TNS1: variants seen among roughly 807,000 people sequenced by gnomAD.
TNS1 encodes tensin-1.
TNS1 carries 62 observed loss-of-function variants against 168.6 expected under a neutral mutation model. That is an observed-to-expected ratio of 0.37 (90% CI 0.30 to 0.45). The LOEUF (loss-of-function observed/expected upper bound fraction) is 0.45, where lower values mean the gene tolerates loss of function less well. Among genes scored for constraint, TNS1 ranks in the 20% least tolerant of loss-of-function variants. TNS1 has a pLI of 1.00. For synonymous variants in TNS1, 934 were observed against 933.2 expected (o/e 1.00, Z -0.02); for missense variants, 2,240 against 2,339.4 (o/e 0.96, Z 0.88).
At chr2:217,815,101 G>C in intron 24 of TNS1, 103 bp from the exon 25 acceptor site, 1 of 882,024 alleles carries the variant, frequency 1.1e-6, no homozygotes, top group Non-Finnish European at 1.8e-6. Context: ...GACCTTATTT[G>C]GAAATAGGGT....
At chr2:217,820,080 C>A (rs1559166079) in intron 23 of TNS1, among the ~76,000 whole-genome samples, 2 of 152,170 alleles carry the variant, frequency 1.3e-5, no homozygotes, top group South Asian at 4.1e-4. Context: ...AGAAGGCCAC[C>A]TCCTGGTATA....
chr2:217,868,779 C>T (rs1949510628), intron 18 of TNS1, among the ~76,000 whole-genome samples: 1 of 152,264 alleles, frequency 6.6e-6, no homozygotes, highest in African/African-American at 2.4e-5. Flanking sequence ...GTCCCAAGGC[C>T]ATGCTCCCAA....
chr2:217,838,795 G>C (rs1344176183), intron 19 of TNS1, among the ~76,000 whole-genome samples: 1 of 152,170 alleles, frequency 6.6e-6, no homozygotes, highest in African/African-American at 2.4e-5. Flanking sequence ...GGAGAGAAGA[G>C]AGCCCCATTG....
At chr2:217,850,462 A>G in intron 18 of TNS1, 1 of 985,294 alleles carries the variant, frequency 1.0e-6, no homozygotes, top group Non-Finnish European at 1.2e-6. Flanking sequence ...GGAAGGAAAA[A>G]GTGAGCGCTG....
intron 3 of TNS1, among the ~76,000 whole-genome samples, chr2:217,966,584 T>C (rs1248142552): frequency 9.9e-5 from 15 of 151,982 alleles, no homozygotes; most frequent in Non-Finnish European, 1.5e-4. Flanking sequence ...GGACCCAGCA[T>C]CAGATGTTGG....
intron 3 of TNS1, among the ~76,000 whole-genome samples, chr2:217,943,388 T>TG (rs1356726876): frequency 6.6e-6 from 1 of 152,082 alleles, no homozygotes; most frequent in African/African-American, 2.4e-5. Context: ...CTCAAGTGGG[T>TG]GGCAGGGAAA....
chr2:217,996,325 C>T (rs1336080082), intron 1 of TNS1, among the ~76,000 whole-genome samples: 1 of 152,188 alleles, frequency 6.6e-6, no homozygotes, highest in African/African-American at 2.4e-5. Flanking sequence ...GCCTCCTGGC[C>T]ATCCACTGCC....
At chr2:218,027,007 G>A (rs1004783486) in intron 1 of TNS1, among the ~76,000 whole-genome samples, 6 of 152,194 alleles carry the variant, frequency 3.9e-5, no homozygotes, top group African/African-American at 1.4e-4. Flanking sequence ...AGGGCTTGGT[G>A]GAGGGGAAGT....
At position 217,886,898 on chromosome 2, in the gene TNS1, C is replaced by T. The variant is rs192798625; in HGVS notation, c.867-252G>A. ...CAAGTCAAGCATCCCACTTGGAGTT[C>T]GCCACCGCCCTCTGGTGGTCAACAT... On this transcript the variant is annotated intron_variant, in intron 12 of 32. Coordinates refer to ENST00000682258, the MANE Select transcript of TNS1 (RefSeq NM_001387777.1). Among the ~76,000 whole-genome samples the T allele has an allele frequency of 1.1e-4, 17 of 152,232 alleles. No individual in the cohort carries two copies. The East Asian group carries it at 2.5e-3, about 23-fold the overall frequency.
chr2:217,938,502 G>A (rs550487761), intron 3 of TNS1, among the ~76,000 whole-genome samples: 1 of 152,240 alleles, frequency 6.6e-6, no homozygotes, highest in Non-Finnish European at 1.5e-5. Context: ...AATTAAAGCT[G>A]CATCAAGAGG....
intron 1 of TNS1, among the ~76,000 whole-genome samples, chr2:218,025,896 G>A (rs572898928): frequency 2.0e-5 from 3 of 152,168 alleles, no homozygotes; most frequent in East Asian, 3.9e-4. Context: ...TGGCTTTGCC[G>A]AACTCCTCTC....
At position 217,817,978 on chromosome 2, in the gene TNS1, G is replaced by A. The variant is rs760464081; in HGVS notation, c.4354C>T (p.Pro1452Ser). Residue 1452 changes from proline to serine, a missense_variant, in exon 24 of 33, where the codon CCT becomes TCT. By Grantham distance (74) the Pro-to-Ser change is moderately conservative. Coordinates refer to ENST00000682258, the MANE Select transcript of TNS1 (RefSeq NM_001387777.1). ...GAGACAGGGAAGGAGGGCGTGGAAG[G>A]AGCCTGGTAGCCAGAGGCACTGCTC... ...RQSSASGYQA[P>S]STPSFPVSPA... is the part of the protein sequence containing the mutation. 6 of 1,601,354 alleles carry A rather than the reference G, an allele frequency of 3.7e-6. 1 individual carries two copies. In the South Asian group the frequency reaches 6.7e-5, roughly 18 times the overall value.
chr2:218,027,124 C>T (rs961300855), intron 1 of TNS1, among the ~76,000 whole-genome samples: 4 of 152,252 alleles, frequency 2.6e-5, no homozygotes, highest in Admixed American at 2.0e-4. Context: ...CACACACACA[C>T]ACACGCTCAT....
intron 11 of TNS1, among the ~76,000 whole-genome samples, chr2:217,891,942 C>G: frequency 6.6e-6 from 1 of 152,214 alleles, no homozygotes; most frequent in East Asian, 1.9e-4. Flanking sequence ...CGCCACTGCC[C>G]TTCTTGAGTC....
chr2:217,992,572 C>T (rs914741453), intron 1 of TNS1: 4 of 152,358 alleles, frequency 2.6e-5, no homozygotes, highest in African/African-American at 9.7e-5. Flanking sequence ...GAGAGAAAAA[C>T]AGACAAAATG....
intron 21 of TNS1, among the ~76,000 whole-genome samples, chr2:217,833,464 C>A (rs1944737983): frequency 6.6e-6 from 1 of 152,250 alleles, no homozygotes; most frequent in Admixed American, 6.5e-5. Flanking sequence ...ACCGAGGTAC[C>A]CATGGCTGGC....
chr2:217,885,232 CTTAT>C, intron 15 of TNS1, 68 bp from the exon 16 acceptor site: 1 of 1,601,422 alleles, frequency 6.2e-7, no homozygotes, highest in South Asian at 1.1e-5. Context: ...AGGGAGCCTC[CTTAT>C]CAGCTCCGCT....
chr2:217,966,049 T>G (rs1259636511), intron 3 of TNS1, among the ~76,000 whole-genome samples: 1 of 152,172 alleles, frequency 6.6e-6, no homozygotes, highest in Non-Finnish European at 1.5e-5. Flanking sequence ...CCATTTGCCC[T>G]TCTCTCTGCT....
At chr2:218,029,148 G>A (rs1958872101) in intron 1 of TNS1, among the ~76,000 whole-genome samples, 6 of 152,330 alleles carry the variant, frequency 3.9e-5, no homozygotes, top group South Asian at 4.1e-4. Flanking sequence ...AGAGGTGATC[G>A]GTGGACCCCC....
Sources: allele counts gnomAD v4.1 joint callset (sites outside exome capture counted in the v4.1 genomes callset), GRCh38; gene constraint gnomAD v4.1.1; transcripts MANE v1.5; gene names NCBI Gene and HGNC (gene_info 2026-07-23, HGNC 2026-07-21).